Variants in NSUN2 observed in about 807,000 individuals in gnomAD.
The protein encoded by NSUN2 is RNA cytosine C(5)-methyltransferase NSUN2.
In NSUN2, 63 loss-of-function variants were observed where a neutral mutation model predicts 92.7. The ratio of observed to expected loss-of-function variants is 0.68; its 90% CI spans 0.56 to 0.84. The LOEUF (loss-of-function observed/expected upper bound fraction) is 0.84, where lower values mean the gene tolerates loss of function less well. NSUN2 is among the 40% of genes least tolerant of loss of function. The probability of loss-of-function intolerance (pLI) is 0.00; values close to 1 mark genes in which losing one functional copy is unlikely to be tolerated. For synonymous variants in NSUN2, 356 were observed against 348.3 expected (o/e 1.02, Z -0.25); for missense variants, 989 against 964.9 (o/e 1.02, Z -0.33).
At chr5:6,614,322 C>T (rs1737125493) in intron 9 of NSUN2, among the ~76,000 whole-genome samples, 2 of 152,246 alleles carry the variant, frequency 1.3e-5, no homozygotes, top group East Asian at 1.9e-4. Context: ...CGGATGAAGA[C>T]GAACCCATCA....
chr5:6,618,634 CTAATA>C (rs369397906), intron 7 of NSUN2, among the ~76,000 whole-genome samples: 10 of 152,176 alleles, frequency 6.6e-5, no homozygotes, highest in African/African-American at 1.7e-4. Flanking sequence ...TTCAATTAAG[CTAATA>C]TAATAGCTAA....
chr5:6,605,139 G>C, intron 15 of NSUN2, 134 bp downstream of exon 15: 1 of 1,194,718 alleles, frequency 8.4e-7, no homozygotes, highest in Non-Finnish European at 1.2e-6. Flanking sequence ...CAAAGGGCAG[G>C]CTCAGGGACC....
chr5:6,617,058 T>G (rs1033992262), intron 8 of NSUN2, among the ~76,000 whole-genome samples: 1 of 152,220 alleles, frequency 6.6e-6, no homozygotes, highest in Non-Finnish European at 1.5e-5. Context: ...ATTATATAAA[T>G]ATTCTTACTG....
At position 6,612,557 on chromosome 5, in the gene NSUN2, G is replaced by A. The variant is rs149105169; in HGVS notation, c.1022-759C>T. On this transcript the variant is annotated intron_variant, in intron 9 of 18. Transcript: ENST00000264670. ...GAGACCAGCTACTAGCACAGATACT[G>A]ATGTGACAGCCTCTCAGCAGAGGAA... 9.3e-3 allele frequency among the ~76,000 whole-genome samples: 1,410 copies of A among 152,282 alleles called. 19 individuals carry two copies. The highest frequency in any genetic ancestry group is 0.032 in the African/African-American group (1,327 of 41,548).
At chr5:6,618,590 T>C (rs3776432) in intron 7 of NSUN2, among the ~76,000 whole-genome samples, 102,695 of 151,982 alleles carry the variant, frequency 0.68, 34,841 homozygotes, top group Middle Eastern at 0.74. Flanking sequence ...ATCAGAATTA[T>C]ATGAATAATG....
rs930773662 is a variant in NSUN2 at position 6,600,055 on chromosome 5, G to C, written c.2175C>G (p.Thr725=). ...VILTNESAAS[T]GQPDNDVTEG... The stretch of plus-strand genomic sequence containing the variant: ...CAGTCACGTCATTGTCTGGCTGTCC[G>C]GTGCTGGCTGCACTCTCATTTGTGA... The change falls in exon 19 of 19, where the codon ACC becomes ACG. Residue 725 remains threonine, a synonymous_variant. Coordinates refer to ENST00000264670, the MANE Select transcript of NSUN2 (RefSeq NM_017755.6). 1.2e-6 allele frequency: 2 copies of C among 1,614,222 alleles called. No homozygotes were observed. Among genetic ancestry groups the C allele is most frequent in the Non-Finnish European group, 8.5e-7 (1 of 1,180,036 alleles).
At chr5:6,605,442 G>C in intron 14 of NSUN2, 34 bp from the exon 15 acceptor site, 1 of 1,608,158 alleles carries the variant, frequency 6.2e-7, no homozygotes, top group Non-Finnish European at 8.5e-7. Flanking sequence ...TATCCACAAT[G>C]AGTTCAAAAT....
intron 2 of NSUN2, 39 bp from the exon 3 acceptor site, chr5:6,632,016 A>T (rs749359386): frequency 2.8e-5 from 41 of 1,479,392 alleles, no homozygotes; most frequent in Non-Finnish European, 3.6e-5. Flanking sequence ...GATCTAAAAA[A>T]CTAAGTTAAT....
At chr5:6,619,170 A>G (rs1336554244) in intron 7 of NSUN2, among the ~76,000 whole-genome samples, 3 of 151,800 alleles carry the variant, frequency 2.0e-5, no homozygotes, top group African/African-American at 4.8e-5. Context: ...AACCTAGAGG[A>G]AAAAAAAACT....
chr5:6,608,682 C>T (rs1339075740), intron 12 of NSUN2, among the ~76,000 whole-genome samples: 1 of 152,128 alleles, frequency 6.6e-6, no homozygotes, highest in Non-Finnish European at 1.5e-5. Context: ...CAATGTAAGC[C>T]CTAATGCAGG....
intron 9 of NSUN2, among the ~76,000 whole-genome samples, chr5:6,615,393 C>T (rs753334943): frequency 2.6e-5 from 4 of 152,206 alleles, no homozygotes; most frequent in Non-Finnish European, 5.9e-5. Flanking sequence ...ACAGTCCTAA[C>T]AACTGACCCC....
In NSUN2 at chr5:6,599,658, C is replaced by G. The variant is rs1461403342; in HGVS notation, c.*268G>C. ...AAGTACAACTTTTGAAAGTCTATTC[C>G]CAGCAAAAGAAACACTAGACCCAGC... On this transcript the variant is annotated 3_prime_UTR_variant, in exon 19 of 19. Transcript: ENST00000264670. 2.5e-6 allele frequency: 1 copy of G among 406,452 alleles called. No homozygotes were observed. Among genetic ancestry groups the G allele is most frequent in the Non-Finnish European group, 4.4e-6 (1 of 229,196 alleles). 25.2% of individuals were successfully genotyped at this position (406,452 alleles called of 1,614,324 possible). A position where few individuals can be genotyped will look rare whatever the true frequency, so the allele number is the denominator to read the frequency against.
At chr5:6,606,935 A>T (rs1736801284) in intron 13 of NSUN2, 23 bp from the exon 14 acceptor site, 1 of 1,382,086 alleles carries the variant, frequency 7.2e-7, no homozygotes, top group African/African-American at 1.4e-5. Flanking sequence ...TCAGGATGAG[A>T]CAAATCAATC....
chr5:6,620,422 C>G, intron 6 of NSUN2, 124 bp from the exon 7 acceptor site: 1 of 686,140 alleles, frequency 1.5e-6, no homozygotes, highest in Non-Finnish European at 2.3e-6. Flanking sequence ...GACCCACAGT[C>G]AAGGTTTTCC....
Position 6,632,914 on chromosome 5 carries a change from G to A in NSUN2, c.66C>T (p.Gly22=), listed in dbSNP as rs1560989007. Residue 22 remains glycine (G), a synonymous_variant, in exon 1 of 19, where the codon GGC becomes GGT. Coordinates refer to ENST00000264670, the MANE Select transcript of NSUN2 (RefSeq NM_017755.6). The part of the protein sequence containing the change: ...QQQRPEDAED[G]AEGGGKRGEA... ...CGCCGCGCTTTCCACCACCCTCGGC[G>A]CCATCCTCCGCGTCCTCCGGCCGCT... 3.3e-6 allele frequency: 5 copies of A among 1,521,160 alleles called. No individual in the cohort carries two copies. The highest frequency in any genetic ancestry group is 2.3e-4 in the Middle Eastern group (1 of 4,340). 94.2% of individuals were successfully genotyped at this position (1,521,160 alleles called of 1,614,324 possible).
At chr5:6,601,791 G>A (rs1185382495) in intron 18 of NSUN2, among the ~76,000 whole-genome samples, 1 of 152,092 alleles carries the variant, frequency 6.6e-6, no homozygotes, top group Non-Finnish European at 1.5e-5. Context: ...ACCCCATTCT[G>A]TTTCCTCCTC....
At chr5:6,621,832 T>G (rs1039518627) in intron 6 of NSUN2, 184 bp downstream of exon 6, 11 of 569,104 alleles carry the variant, frequency 1.9e-5, no homozygotes, top group Non-Finnish European at 3.1e-5. Flanking sequence ...ATGAGTGTGT[T>G]TGTTTGAGTA....
At chr5:6,600,949 G>T (rs1359155485) in intron 18 of NSUN2, among the ~76,000 whole-genome samples, 2 of 151,908 alleles carry the variant, frequency 1.3e-5, no homozygotes, top group Admixed American at 6.6e-5. Flanking sequence ...AGGAGGCATC[G>T]ACGCCCCAGC....
intron 14 of NSUN2, among the ~76,000 whole-genome samples, chr5:6,606,476 G>A (rs1399118412): frequency 6.6e-6 from 1 of 151,964 alleles, no homozygotes; most frequent in East Asian, 1.9e-4. Context: ...TAGTAGAGAC[G>A]GGGTTTCACC....
Sources: gnomAD v4.1 joint callset for allele counts (sites outside exome capture counted in the v4.1 genomes callset) on GRCh38, gnomAD v4.1.1 for gene constraint, MANE v1.5 for transcripts, NCBI Gene and HGNC (gene_info 2026-07-23, HGNC 2026-07-21) for gene names.